The following RGS6 variants were observed in gnomAD, a reference collection of about 807,000 sequenced individuals.
The protein encoded by RGS6 is regulator of G-protein signaling 6.
Under a neutral mutation model 78.5 loss-of-function variants are expected in RGS6, and 30 were observed. The observed-to-expected ratio is 0.38, with a 90% CI of 0.29 to 0.52. RGS6 has a LOEUF of 0.52. Among genes scored for constraint, RGS6 ranks in the 20% least tolerant of loss-of-function variants. The pLI, the probability that RGS6 is intolerant of heterozygous loss-of-function variation, is 0.85. For synonymous variants in RGS6, 206 were observed against 206.0 expected, an observed-to-expected ratio of 1.00 and a Z score of 0.00; for missense variants, 495 against 609.7, an observed-to-expected ratio of 0.81 and a Z score of 1.98.
At chr14:72,406,586 G>C (rs990926870) in intron 3 of RGS6, among the ~76,000 whole-genome samples, 9 of 152,142 alleles carry the variant, frequency 5.9e-5, no homozygotes, top group African/African-American at 2.2e-4. Context: ...CAGGGGGTGG[G>C]TGTCAGTTTC....
intron 2 of RGS6, among the ~76,000 whole-genome samples, chr14:72,139,563 G>A (rs1023561841): frequency 1.3e-5 from 2 of 151,520 alleles, no homozygotes; most frequent in African/African-American, 4.8e-5. Flanking sequence ...TAAGCAGAAA[G>A]CAAAGAAGAA....
the RGS6 span, among the ~76,000 whole-genome samples, chr14:72,629,103 T>C: frequency 6.6e-6 from 1 of 152,218 alleles, no homozygotes; most frequent in Non-Finnish European, 1.5e-5. Context: ...GAATTATTGA[T>C]TTTTTAGCTA....
chr14:72,025,759 G>T (rs2089716550), intron 2 of RGS6, among the ~76,000 whole-genome samples: 1 of 152,112 alleles, frequency 6.6e-6, no homozygotes, highest in Admixed American at 6.5e-5. Flanking sequence ...AGCCTTGAGT[G>T]GTAGATGCTA....
chr14:71,938,739 A>G (rs149264416), intron 1 of RGS6, among the ~76,000 whole-genome samples: 3,336 of 152,222 alleles, frequency 0.022, 104 homozygotes, highest in African/African-American at 0.074. Flanking sequence ...TTATGGCTAG[A>G]TGGGTCAGAA....
chr14:72,496,599 T>C (rs2096648451), intron 13 of RGS6, among the ~76,000 whole-genome samples: 1 of 152,228 alleles, frequency 6.6e-6, no homozygotes, highest in South Asian at 2.1e-4. Flanking sequence ...TTATGTGTCT[T>C]TCAAACAGCT....
intron 3 of RGS6, among the ~76,000 whole-genome samples, chr14:72,395,998 A>T (rs1029573887): frequency 1.5e-4 from 23 of 152,018 alleles, no homozygotes; most frequent in South Asian, 4.2e-4. Flanking sequence ...AACATACGTG[A>T]GCATGTGTCT....
chr14:72,205,879 G>T (rs778972923), intron 2 of RGS6, among the ~76,000 whole-genome samples: 18 of 152,214 alleles, frequency 1.2e-4, no homozygotes, highest in African/African-American at 2.4e-5. Context: ...GGGTTGATGA[G>T]AATATGGTAA....
At chr14:71,975,847 A>G (rs961694753) in intron 2 of RGS6, among the ~76,000 whole-genome samples, 4 of 152,096 alleles carry the variant, frequency 2.6e-5, no homozygotes, top group African/African-American at 9.7e-5. Context: ...TTCATATGTT[A>G]GGACCTTTTT....
chr14:71,981,432 G>T (rs1469538244), intron 2 of RGS6, among the ~76,000 whole-genome samples: 2 of 152,136 alleles, frequency 1.3e-5, no homozygotes, highest in East Asian at 3.9e-4. Context: ...ATGTACAGAT[G>T]TTTTTGGTGT....
Position 72,562,795 on chromosome 14 carries a change from GA to G in RGS6, c.*329del. 1 of 1,472,840 alleles carries G rather than the reference GA, an allele frequency of 6.8e-7. No individual in the cohort carries two copies. Among genetic ancestry groups the G allele is most frequent in the Non-Finnish European group, 9.2e-7 (1 of 1,089,274 alleles). 91.2% of individuals were successfully genotyped at this position (1,472,840 alleles called of 1,614,324 possible). On this transcript the variant is annotated 3_prime_UTR_variant, in exon 18 of 18. Transcript: ENST00000553525. ...GAACACGTCGTGGGGTTCCTGTCAC[GA>G]CTATCACTTGAGATTATATTATTAT...
chr14:72,585,533 C>T, the RGS6 span, among the ~76,000 whole-genome samples: 1 of 152,160 alleles, frequency 6.6e-6, no homozygotes, highest in African/African-American at 2.4e-5. Context: ...CAGGGATGGC[C>T]CTTCAAAGTT....
chr14:71,917,896 G>A, the RGS6 span, among the ~76,000 whole-genome samples: 1 of 152,066 alleles, frequency 6.6e-6, no homozygotes, highest in Non-Finnish European at 1.5e-5. Context: ...CTTCTCGGCC[G>A]GGCGCGGTGG....
intron 3 of RGS6, among the ~76,000 whole-genome samples, chr14:72,400,446 A>G (rs1443180635): frequency 2.6e-5 from 4 of 152,176 alleles, no homozygotes; most frequent in Admixed American, 1.3e-4. Flanking sequence ...GATCATTATC[A>G]TTCATTCATT....
chr14:71,918,428 T>G, the RGS6 span, among the ~76,000 whole-genome samples: 616 of 152,278 alleles, frequency 4.0e-3, 6 homozygotes, highest in African/African-American at 0.014. Flanking sequence ...CCTGATTCTG[T>G]GAAAAGATTA....
At chr14:72,358,161 T>C (rs1164523656) in intron 3 of RGS6, among the ~76,000 whole-genome samples, 1 of 152,122 alleles carries the variant, frequency 6.6e-6, no homozygotes, top group East Asian at 1.9e-4. Flanking sequence ...TTTCAAAGGA[T>C]ATATAGAAAC....
At chr14:72,515,290 GTTGTTTTCAC>G (rs2096927178) in intron 14 of RGS6, among the ~76,000 whole-genome samples, 1 of 143,500 alleles carries the variant, frequency 7.0e-6, no homozygotes, top group East Asian at 2.1e-4. Flanking sequence ...CAGCATGCCT[GTTGTTTTCAC>G]TTGTACTTAA....
intron 2 of RGS6, among the ~76,000 whole-genome samples, chr14:72,027,428 G>C (rs1029189995): frequency 1.3e-5 from 2 of 152,108 alleles, no homozygotes; most frequent in Non-Finnish European, 2.9e-5. Context: ...TGTAGATCTA[G>C]AAGAATGTCT....
chr14:72,216,434 C>T (rs1462861210), intron 2 of RGS6, among the ~76,000 whole-genome samples: 1 of 152,198 alleles, frequency 6.6e-6, no homozygotes, highest in Non-Finnish European at 1.5e-5. Context: ...AAATGTAAGG[C>T]ACCGCACCAA....
chr14:72,513,772 G>A (rs1443095186), intron 14 of RGS6: 1 of 152,214 alleles, frequency 6.6e-6, no homozygotes, highest in Non-Finnish European at 1.5e-5. Flanking sequence ...GCACAGCAGA[G>A]AATGAGTTAA....
Sources: allele counts gnomAD v4.1 joint callset (sites outside exome capture counted in the v4.1 genomes callset), GRCh38; gene constraint gnomAD v4.1.1; transcripts MANE v1.5; gene names NCBI Gene and HGNC (gene_info 2026-07-23, HGNC 2026-07-21).